The following DPP6 variants were observed in gnomAD, a reference collection of about 807,000 sequenced individuals.
DPP6 encodes the protein A-type potassium channel modulatory protein DPP6.
In DPP6, 69 loss-of-function variants were observed where a neutral mutation model predicts 122.6. That is an observed-to-expected ratio of 0.56 (90% CI 0.46 to 0.69). DPP6 has a LOEUF of 0.69. Ranked by LOEUF, DPP6 falls within the 30% of genes least tolerant of loss-of-function variation. The pLI, the probability that DPP6 is intolerant of heterozygous loss-of-function variation, is 0.00. For synonymous variants in DPP6, 418 were observed against 433.1 expected (o/e 0.97, Z 0.43); for missense variants, 928 against 1,116.9 (o/e 0.83, Z 2.41).
chr7:154,790,129 C>T (rs112486453), intron 10 of DPP6, among the ~76,000 whole-genome samples: 3,421 of 152,226 alleles, frequency 0.022, 87 homozygotes, highest in African/African-American at 0.069. Context: ...ACCCAGGAGG[C>T]GGAGGTTGCA....
chr7:154,837,816 T>C (rs761338900), intron 16 of DPP6, among the ~76,000 whole-genome samples: 10 of 152,222 alleles, frequency 6.6e-5, no homozygotes, highest in Non-Finnish European at 1.5e-4. Flanking sequence ...GTATCATTGC[T>C]CATTTCTTTC....
chr7:154,716,078 A>C (rs1311989888), intron 7 of DPP6, among the ~76,000 whole-genome samples: 3 of 151,920 alleles, frequency 2.0e-5, no homozygotes, highest in African/African-American at 7.3e-5. Context: ...CTTCTTTTAG[A>C]TCTCATTTTT....
rs1812970588 is a variant in DPP6 at position 154,374,624 on chromosome 7, T to TCTTTTTTTCTTTTG, written c.244-71590_244-71589insCTTTTTTTCTTTTG. On this transcript the variant is annotated intron_variant, in intron 1 of 25. Transcript: ENST00000377770. ...TCTGTTTTTTTTCTTTTTTTCTTTT[T>TCTTTTTTTCTTTTG]TTTTGAGACGCAGTTTTCCTCTTGT... is the stretch of plus-strand genomic sequence containing the variant. Among the ~76,000 whole-genome samples, 3 of 151,508 alleles carry TCTTTTTTTCTTTTG rather than the reference T, an allele frequency of 2.0e-5. No homozygotes were observed. In the South Asian group the frequency reaches 6.3e-4, roughly 32 times the overall value.
At chr7:154,312,740 CATAAGATTTCT>C (rs1807019907) in intron 1 of DPP6, among the ~76,000 whole-genome samples, 1 of 152,170 alleles carries the variant, frequency 6.6e-6, no homozygotes, top group Non-Finnish European at 1.5e-5. Flanking sequence ...TGGACATGCT[CATAAGATTTCT>C]CTTGGAGACA....
Position 154,881,032 on chromosome 7 carries a change from T to A in DPP6, c.2133+90T>A, listed in dbSNP as rs534754870. On this transcript the variant is annotated intron_variant, in intron 21 of 25. Coordinates refer to ENST00000377770, the MANE Select transcript of DPP6 (RefSeq NM_130797.4). ...GTCTAATCCTGATTTATTGAGAACG[T>A]CTGTGGTCTGCTGGTGAGCAAGTAA... 104 of 1,467,630 alleles carry A rather than the reference T, an allele frequency of 7.1e-5. No homozygotes were observed. In the African/African-American group the frequency reaches 1.3e-3, roughly 18 times the overall value. 90.9% of individuals were successfully genotyped at this position (1,467,630 alleles called of 1,614,324 possible). A position where few individuals can be genotyped will look rare whatever the true frequency, so the allele number is the denominator to read the frequency against.
chr7:153,811,000 C>A, the DPP6 span, among the ~76,000 whole-genome samples: 1 of 151,818 alleles, frequency 6.6e-6, no homozygotes, highest in Admixed American at 6.6e-5. Flanking sequence ...TGGAATTTAA[C>A]ACACAGCGGC....
At chr7:154,240,830 T>C (rs1801544704) in intron 1 of DPP6, among the ~76,000 whole-genome samples, 1 of 152,226 alleles carries the variant, frequency 6.6e-6, no homozygotes, top group Non-Finnish European at 1.5e-5. Flanking sequence ...AGTTTCTTAA[T>C]TGCTCTCAGT....
chr7:153,985,858 C>G (rs975646650), intron 1 of DPP6, among the ~76,000 whole-genome samples: 2 of 152,178 alleles, frequency 1.3e-5, no homozygotes, highest in African/African-American at 4.8e-5. Context: ...AAAAATCTAA[C>G]TATGAAAAAG....
the DPP6 span, among the ~76,000 whole-genome samples, chr7:153,867,557 C>T: frequency 6.6e-6 from 1 of 152,314 alleles, no homozygotes; most frequent in Middle Eastern, 3.4e-3. Context: ...TGGGCTGAGA[C>T]AATGGGGTTT....
intron 1 of DPP6, among the ~76,000 whole-genome samples, chr7:154,197,232 C>T (rs1798915610): frequency 6.6e-6 from 1 of 151,322 alleles, no homozygotes; most frequent in Non-Finnish European, 1.5e-5. Flanking sequence ...GAAGGTCAAG[C>T]AGAAGATATG....
chr7:154,027,127 G>T (rs528113223), intron 1 of DPP6: 291 of 148,030 alleles, frequency 2.0e-3, no homozygotes, highest in African/African-American at 7.2e-3. Context: ...GAGTTCTAAA[G>T]GAAATTAAAC....
chr7:154,134,786 C>T (rs3115123), intron 1 of DPP6, among the ~76,000 whole-genome samples: 2 of 151,814 alleles, frequency 1.3e-5, no homozygotes, highest in South Asian at 4.2e-4. Flanking sequence ...TCCTGTGAGC[C>T]CACACTTCTT....
At chr7:154,711,427 G>T (rs1289075000) in intron 7 of DPP6, among the ~76,000 whole-genome samples, 1 of 152,084 alleles carries the variant, frequency 6.6e-6, no homozygotes, top group East Asian at 1.9e-4. Context: ...ACAGAAGTTT[G>T]GTAATATAAC....
chr7:154,278,013 A>G (rs1188413045), intron 1 of DPP6, among the ~76,000 whole-genome samples: 2 of 152,042 alleles, frequency 1.3e-5, no homozygotes, highest in African/African-American at 4.8e-5. Flanking sequence ...GGACCATGGG[A>G]CTCTTCCCGT....
chr7:154,735,066 T>C (rs1449823708), intron 8 of DPP6, among the ~76,000 whole-genome samples: 2 of 152,266 alleles, frequency 1.3e-5, no homozygotes, highest in African/African-American at 4.8e-5. Context: ...TAATGATACC[T>C]ATCAGTGTTG....
In DPP6 at chr7:154,803,922, A is replaced by C; in HGVS notation, c.1466A>C (p.Lys489Thr). Reference sequence around the variant, plus strand: ...ACCTCCGGGGACTGGGACGTGACCAAGATCCTAGCCTACGATGAGAAGGGG... The same window carrying C: ...ACCTCCGGGGACTGGGACGTGACCACGATCCTAGCCTACGATGAGAAGGGG... ...SITSGDWDVT[K>T]ILAYDEKGNK... Residue 489 changes from lysine to threonine, a missense_variant, in exon 14 of 26, where the codon AAG (lysine) becomes ACG (threonine). Transcript: ENST00000377770. 1 of 1,613,958 alleles carries C rather than the reference A, an allele frequency of 6.2e-7. No homozygotes were observed. Among genetic ancestry groups the C allele is most frequent in the South Asian group, 1.1e-5 (1 of 91,042 alleles).
intron 1 of DPP6, among the ~76,000 whole-genome samples, chr7:154,102,364 A>G (rs1185787348): frequency 6.6e-6 from 1 of 151,580 alleles, no homozygotes; most frequent in African/African-American, 2.4e-5. Context: ...TAATTTTTGT[A>G]TTTTTGTAGA....
intron 1 of DPP6, among the ~76,000 whole-genome samples, chr7:154,176,407 T>C (rs1040641195): frequency 2.6e-5 from 4 of 152,284 alleles, no homozygotes; most frequent in African/African-American, 7.2e-5. Flanking sequence ...TTGAGACCCA[T>C]TGAATCATGA....
chr7:154,313,697 A>ATATATATATATATATATATATAT (rs1807125364), intron 1 of DPP6, among the ~76,000 whole-genome samples: 3 of 25,336 alleles, frequency 1.2e-4, no homozygotes, highest in Non-Finnish European at 2.1e-4. Flanking sequence ...ATATATATAT[A>ATATATATATATATATATATATAT]TATATATATA....
Sources: allele counts gnomAD v4.1 joint callset (sites outside exome capture counted in the v4.1 genomes callset), GRCh38; gene constraint gnomAD v4.1.1; transcripts MANE v1.5; gene names NCBI Gene and HGNC (gene_info 2026-07-23, HGNC 2026-07-21).